OGG1: variants seen among roughly 807,000 people sequenced by gnomAD.
OGG1 encodes the protein N-glycosylase/DNA lyase.
Under a neutral mutation model 42.3 loss-of-function variants are expected in OGG1, and 35 were observed. That is an observed-to-expected ratio of 0.83 (90% CI 0.63 to 1.10). The LOEUF is 1.10. Ranked by LOEUF, OGG1 falls within the 50% of genes least tolerant of loss-of-function variation. OGG1 has a pLI of 0.00. For missense variants in OGG1, 484 were observed against 446.7 expected (o/e 1.08, Z -0.75); for synonymous variants, 189 against 179.0 (o/e 1.06, Z -0.44).
intron 3 of OGG1, among the ~76,000 whole-genome samples, chr3:9,786,460 G>A (rs774720327): frequency 6.6e-6 from 1 of 152,208 alleles, no homozygotes; most frequent in South Asian, 2.1e-4. Flanking sequence ...TGAGGTGAAA[G>A]AGTGTGAGGG....
downstream of OGG1, among the ~76,000 whole-genome samples, chr3:9,770,181 G>A (rs2078271412): frequency 6.6e-6 from 1 of 152,226 alleles, no homozygotes; most frequent in Admixed American, 6.5e-5. Context: ...CTGAGGCCCG[G>A]AGAGATGATT....
downstream of OGG1, chr3:9,769,988 G>C (rs1333818142): frequency 6.6e-6 from 1 of 152,310 alleles, no homozygotes; most frequent in African/African-American, 2.4e-5. Context: ...GCCCGCCTGC[G>C]GCTCTGATGT....
In OGG1 at chr3:9,751,010, A is replaced by G. The variant is rs771548257; in HGVS notation, c.203A>G (p.Gln68Arg). The change falls in exon 2 of 7, where the codon CAG becomes CGG. Residue 68 changes from glutamine (Q) to arginine (R), a missense_variant. Physicochemically the swap from Gln to Arg is conservative, Grantham distance 43. Transcript: ENST00000344629. ...VLADQVWTLT[Q>R]TEEQLHCTVY... ...GCGGATCAAGTATGGACACTGACTCAGACTGAGGAGCAGCTCCACTGCACT... is the reference window on the plus strand; with the variant it reads ...GCGGATCAAGTATGGACACTGACTCGGACTGAGGAGCAGCTCCACTGCACT... 2.5e-6 allele frequency: 4 copies of G among 1,614,036 alleles called. No homozygotes were observed. In the Admixed American group the frequency reaches 6.7e-5, roughly 27 times the overall value.
At chr3:9,781,772 G>C (rs981215572) in intron 3 of OGG1, among the ~76,000 whole-genome samples, 1 of 152,056 alleles carries the variant, frequency 6.6e-6, no homozygotes, top group African/African-American at 2.4e-5. Flanking sequence ...TCTGCAGCAG[G>C]GTAAGGGCTG....
chr3:9,774,930 A>T (rs574742665), intron 2 of OGG1, among the ~76,000 whole-genome samples: 10 of 152,212 alleles, frequency 6.6e-5, no homozygotes, highest in African/African-American at 2.4e-4. Flanking sequence ...AAATTAGGAC[A>T]AGGCTATATG....
intron 7 of OGG1, chr3:9,763,271 G>A: frequency 5.6e-6 from 9 of 1,609,072 alleles, no homozygotes; most frequent in Non-Finnish European, 6.8e-6. Context: ...TGTAGTCCAA[G>A]CTACTTGGGA....
chr3:9,787,378 C>T (rs1222228088), intron 3 of OGG1: 3 of 1,570,944 alleles, frequency 1.9e-6, no homozygotes, highest in Non-Finnish European at 2.6e-6. Context: ...AGTGGGTAAG[C>T]ACTGGCCAGC....
At chr3:9,751,384 C>T (rs567950192) in intron 2 of OGG1, among the ~76,000 whole-genome samples, 192 bp downstream of exon 2, 23 of 152,270 alleles carry the variant, frequency 1.5e-4, no homozygotes, top group African/African-American at 5.1e-4. Flanking sequence ...TTATTATTAT[C>T]CTGCTAATCA....
chr3:9,773,228 CAA>C (rs76519627), intron 2 of OGG1, among the ~76,000 whole-genome samples: 11 of 94,704 alleles, frequency 1.2e-4, no homozygotes, highest in Admixed American at 1.2e-4. Context: ...GACTACATCT[CAA>C]AAAAAAAAAA....
At chr3:9,785,334 T>C (rs771281953) in intron 3 of OGG1, 2 of 1,613,978 alleles carry the variant, frequency 1.2e-6, no homozygotes, top group Admixed American at 1.7e-5. Context: ...CTTGTTCTGA[T>C]TGCGAGGGGA....
intron 2 of OGG1, among the ~76,000 whole-genome samples, chr3:9,779,097 C>T (rs896420425): frequency 6.6e-6 from 1 of 152,078 alleles, no homozygotes; most frequent in Admixed American, 6.6e-5. Flanking sequence ...GGCCAAGCTT[C>T]CTGCCCCAGC....
chr3:9,786,959 T>A, intron 3 of OGG1: 1 of 1,535,040 alleles, frequency 6.5e-7, no homozygotes, highest in Non-Finnish European at 9.0e-7. Context: ...CATAACACAT[T>A]AAAACACAAA....
At chr3:9,767,769 A>G, downstream of OGG1, 5 of 1,613,428 alleles carry the variant, frequency 3.1e-6, no homozygotes, top group African/African-American at 1.3e-5. Context: ...CCCCCCGACC[A>G]CAGCCAGGGC....
intron 2 of OGG1, among the ~76,000 whole-genome samples, chr3:9,773,497 C>CG (rs1176817973): frequency 1.3e-5 from 2 of 151,662 alleles, no homozygotes; most frequent in African/African-American, 4.8e-5. Flanking sequence ...GCAGAGACCA[C>CG]GCGCCACTGC....
chr3:9,775,476 C>G (rs1218545551), intron 2 of OGG1, among the ~76,000 whole-genome samples: 1 of 152,206 alleles, frequency 6.6e-6, no homozygotes, highest in Non-Finnish European at 1.5e-5. Flanking sequence ...TTCACCCTCA[C>G]TCCCTCTCAT....
chr3:9,781,312 A>C (rs974260462), intron 2 of OGG1, among the ~76,000 whole-genome samples: 5 of 151,100 alleles, frequency 3.3e-5, no homozygotes, highest in Admixed American at 1.3e-4. Flanking sequence ...CACACACACA[A>C]ACACACACAC....
exon 4 of OGG1, chr3:9,787,791 A>G: frequency 1.8e-6 from 2 of 1,095,202 alleles, no homozygotes; most frequent in Non-Finnish European, 2.5e-6. Flanking sequence ...GTGGCAGCAC[A>G]AAGGAGAGAC....
At chr3:9,750,474 C>A in intron 1 of OGG1, 51 bp downstream of exon 1, 1 of 1,609,758 alleles carries the variant, frequency 6.2e-7, no homozygotes, top group Non-Finnish European at 8.5e-7. Context: ...CTCCTGCCGC[C>A]TCAACACTGC....
intron 2 of OGG1, among the ~76,000 whole-genome samples, chr3:9,773,228 CAAA>C (rs76519627): frequency 1.1e-5 from 1 of 94,734 alleles, no homozygotes; most frequent in Non-Finnish European, 2.2e-5. Context: ...GACTACATCT[CAAA>C]AAAAAAAAAA....
Sources: allele counts gnomAD v4.1 joint callset (sites outside exome capture counted in the v4.1 genomes callset), GRCh38; gene constraint gnomAD v4.1.1; transcripts MANE v1.5; gene names NCBI Gene and HGNC (gene_info 2026-07-23, HGNC 2026-07-21).